The following TLK1 variants were observed in gnomAD, a reference collection of about 807,000 sequenced individuals.
The protein encoded by TLK1 is tousled like kinase 1.
Under a neutral mutation model 105.3 loss-of-function variants are expected in TLK1, and 24 were observed. The ratio of observed to expected loss-of-function variants is 0.23; its 90% CI spans 0.17 to 0.32. The LOEUF is 0.32. TLK1 is among the 10% of genes least tolerant of loss of function. The pLI, the probability that TLK1 is intolerant of heterozygous loss-of-function variation, is 1.00. For missense variants in TLK1, 558 were observed against 910.5 expected, an observed-to-expected ratio of 0.61 and a Z score of 4.98; for synonymous variants, 321 against 310.4, an observed-to-expected ratio of 1.03 and a Z score of -0.36.
chr2:171,110,347 T>A (rs940530330), intron 2 of TLK1, among the ~76,000 whole-genome samples: 5 of 152,200 alleles, frequency 3.3e-5, no homozygotes, highest in Non-Finnish European at 7.3e-5. Context: ...CACATGCCTG[T>A]AATCCCAGCT....
At chr2:171,190,847 AAT>A (rs768124373) in intron 1 of TLK1, among the ~76,000 whole-genome samples, 14 of 152,118 alleles carry the variant, frequency 9.2e-5, no homozygotes, top group Non-Finnish European at 1.3e-4. Flanking sequence ...CCTTATTTTA[AAT>A]AGTCACTTTT....
At chr2:171,132,663 T>C (rs759337431) in intron 1 of TLK1, among the ~76,000 whole-genome samples, 1 of 152,226 alleles carries the variant, frequency 6.6e-6, no homozygotes. Flanking sequence ...CCAGGTGCTA[T>C]GGCTTCCGAG....
intron 11 of TLK1, among the ~76,000 whole-genome samples, chr2:171,042,015 T>C (rs1289950941): frequency 1.3e-5 from 2 of 152,196 alleles, no homozygotes; most frequent in East Asian, 1.9e-4. Context: ...AAACCTATAA[T>C]TTGTTTAAGA....
chr2:171,027,676 T>C (rs3770428), intron 12 of TLK1, among the ~76,000 whole-genome samples: 88,602 of 152,080 alleles, frequency 0.58, 28,038 homozygotes, highest in East Asian at 0.95. Flanking sequence ...ACATAAACAA[T>C]ATGGAATTTT....
At chr2:171,165,070 T>C (rs1458575580), upstream of TLK1, among the ~76,000 whole-genome samples, 2 of 152,138 alleles carry the variant, frequency 1.3e-5, no homozygotes, top group Non-Finnish European at 2.9e-5. Flanking sequence ...TGCCACTCTG[T>C]AGGGAAGAAG....
chr2:171,103,505 G>A (rs1002301757), intron 2 of TLK1, among the ~76,000 whole-genome samples: 10 of 151,972 alleles, frequency 6.6e-5, no homozygotes, highest in Non-Finnish European at 1.5e-4. Context: ...GCCTCCCAAA[G>A]TGGTGGGATT....
At chr2:171,219,248 G>A (rs76046225) in intron 1 of TLK1, among the ~76,000 whole-genome samples, 3,314 of 152,284 alleles carry the variant, frequency 0.022, 117 homozygotes, top group African/African-American at 0.075. Flanking sequence ...GTCTCCAGGA[G>A]AGTTCATTCC....
intron 1 of TLK1, among the ~76,000 whole-genome samples, chr2:171,157,188 G>A (rs997724740): frequency 2.6e-5 from 4 of 152,188 alleles, no homozygotes; most frequent in African/African-American, 9.7e-5. Flanking sequence ...GAGCAGGAAA[G>A]AAAATGCAAG....
intron 3 of TLK1, among the ~76,000 whole-genome samples, chr2:171,073,241 C>T (rs532983516): frequency 6.6e-6 from 1 of 152,280 alleles, no homozygotes; most frequent in East Asian, 1.9e-4. Flanking sequence ...CGAGGACTTC[C>T]CATTCTATAC....
intron 10 of TLK1, among the ~76,000 whole-genome samples, chr2:171,047,049 A>G (rs962323066): frequency 1.3e-5 from 2 of 152,222 alleles, no homozygotes; most frequent in Non-Finnish European, 2.9e-5. Context: ...GGGGAAAAAG[A>G]CAAGAAAATA....
intron 12 of TLK1, among the ~76,000 whole-genome samples, chr2:171,015,670 A>C (rs1208343740): frequency 6.9e-6 from 1 of 145,268 alleles, no homozygotes; most frequent in Non-Finnish European, 1.5e-5. Flanking sequence ...CACTCATGTC[A>C]TTCATGTCAT....
intron 1 of TLK1, among the ~76,000 whole-genome samples, chr2:171,132,997 A>C (rs886410107): frequency 6.6e-6 from 1 of 152,218 alleles, no homozygotes; most frequent in Non-Finnish European, 1.5e-5. Flanking sequence ...AACACTAAAT[A>C]TGGATTAAAC....
intron 1 of TLK1, 132 bp from the exon 2 acceptor site, chr2:171,117,989 T>G: frequency 3.9e-6 from 2 of 518,706 alleles, no homozygotes; most frequent in South Asian, 9.0e-5. Flanking sequence ...CAGACGAAAT[T>G]GAGAGACTTT....
chr2:171,060,101 A>G, intron 4 of TLK1: 1 of 1,475,400 alleles, frequency 6.8e-7, no homozygotes, highest in South Asian at 1.4e-5. Context: ...AGGAAGGTGA[A>G]ACAAGAAAAA....
At chr2:171,010,069 A>C (rs1014483621) in intron 14 of TLK1, among the ~76,000 whole-genome samples, 4 of 152,298 alleles carry the variant, frequency 2.6e-5, no homozygotes, top group African/African-American at 9.6e-5. Flanking sequence ...CAGTGTACAA[A>C]ATGACTTGAG....
intron 1 of TLK1, among the ~76,000 whole-genome samples, chr2:171,199,707 T>C (rs1035513274): frequency 6.6e-6 from 1 of 152,122 alleles, no homozygotes; most frequent in Admixed American, 6.6e-5. Context: ...GGAAAAACTT[T>C]TCAATTATGG....
At chr2:171,179,789 C>A (rs1282248510) in intron 1 of TLK1, among the ~76,000 whole-genome samples, 1 of 151,758 alleles carries the variant, frequency 6.6e-6, no homozygotes, top group East Asian at 1.9e-4. Flanking sequence ...AAAACCCCGT[C>A]TCTACTAAAA....
chr2:171,167,482 G>C (rs1692630239), intron 1 of TLK1, among the ~76,000 whole-genome samples: 1 of 152,096 alleles, frequency 6.6e-6, no homozygotes, highest in African/African-American at 2.4e-5. Context: ...AGATTATGAA[G>C]AATTCTCATT....
At chr2:170,998,082 CTATCTAT>C (rs1420795865) in intron 18 of TLK1, among the ~76,000 whole-genome samples, 30 of 82,974 alleles carry the variant, frequency 3.6e-4, no homozygotes, top group African/African-American at 1.2e-3. Flanking sequence ...ATCTATCTAT[CTATCTAT>C]CTACCTACCT....
Sources: allele counts gnomAD v4.1 joint callset (sites outside exome capture counted in the v4.1 genomes callset), GRCh38; gene constraint gnomAD v4.1.1; transcripts MANE v1.5; gene names NCBI Gene and HGNC (gene_info 2026-07-23, HGNC 2026-07-21).